Variants in ZFHX3 observed in about 807,000 individuals in gnomAD.
The protein encoded by ZFHX3 is zinc finger homeobox 3.
Under a neutral mutation model 279.1 loss-of-function variants are expected in ZFHX3, and 42 were observed. That is an observed-to-expected ratio of 0.15 (90% confidence interval 0.12 to 0.19). ZFHX3 has a LOEUF of 0.19. Among genes scored for constraint, ZFHX3 ranks in the 10% least tolerant of loss-of-function variants. ZFHX3 has a pLI of 1.00. For synonymous variants in ZFHX3, 2,293 were observed against 1,957.8 expected (o/e 1.17, Z -4.52); for missense variants, 4,981 against 4,754.0 (o/e 1.05, Z -1.40).
intron 3 of ZFHX3, among the ~76,000 whole-genome samples, chr16:72,929,679 A>G (rs1424564025): frequency 6.6e-6 from 1 of 152,210 alleles, no homozygotes; most frequent in Non-Finnish European, 1.5e-5. Flanking sequence ...CCCTCCACGC[A>G]AGCTGGCTGT....
intron 2 of ZFHX3, among the ~76,000 whole-genome samples, chr16:73,660,768 T>C (rs1276261819): frequency 6.6e-5 from 10 of 152,240 alleles, no homozygotes; most frequent in African/African-American, 1.4e-4. Flanking sequence ...TTAATTCCTT[T>C]ATTGCATAAG....
chr16:73,215,776 G>T (rs1329774853), intron 5 of ZFHX3, among the ~76,000 whole-genome samples: 1 of 152,112 alleles, frequency 6.6e-6, no homozygotes, highest in Non-Finnish European at 1.5e-5. Context: ...GTGGTTCTTT[G>T]CATTAAAGGT....
At chr16:73,637,757 T>C (rs1191090904) in intron 2 of ZFHX3, among the ~76,000 whole-genome samples, 4 of 151,960 alleles carry the variant, frequency 2.6e-5, no homozygotes, top group Admixed American at 1.3e-4. Context: ...TATGAACAAA[T>C]TGAAAAAAAA....
Position 72,787,216 on chromosome 16 carries a change from C to A in ZFHX3, c.11060G>T (p.Cys3687Phe). Residue 3687 changes from cysteine (C) to phenylalanine (F), a missense_variant, in exon 10 of 10, where the codon TGC (cysteine) becomes TTC (phenylalanine). Cys to Phe is a radical substitution (Grantham distance 205). Transcript: ENST00000268489. The stretch of plus-strand genomic sequence containing the variant: ...ACTGGTCAGACCACTGTCCTTGGGG[C>A]AGCTGGGGTCTTTGGGACCCTCCAC... ...SPVEGPKDPS[C>F]PKDSGLTSVG... 6 of 1,613,920 alleles carry A rather than the reference C, an allele frequency of 3.7e-6. No homozygotes were observed. Among genetic ancestry groups the A allele is most frequent in the Non-Finnish European group, 5.1e-6 (6 of 1,179,936 alleles).
chr16:73,260,212 A>G (rs1176677785), intron 4 of ZFHX3, among the ~76,000 whole-genome samples: 1 of 152,178 alleles, frequency 6.6e-6, no homozygotes, highest in Non-Finnish European at 1.5e-5. Context: ...TTTGACAAAA[A>G]TAACATGGAA....
At chr16:73,023,376 C>T (rs1231009496) in intron 1 of ZFHX3, among the ~76,000 whole-genome samples, 1 of 152,194 alleles carries the variant, frequency 6.6e-6, no homozygotes, top group African/African-American at 2.4e-5. Context: ...CCCTTAGGAG[C>T]CTGCTGTCAT....
intron 1 of ZFHX3, among the ~76,000 whole-genome samples, chr16:73,753,978 A>G (rs1339890956): frequency 6.9e-5 from 3 of 43,512 alleles, no homozygotes; most frequent in East Asian, 1.8e-3. Context: ...GAAAAATAGT[A>G]AGAATCAATG....
chr16:73,785,755 G>C (rs550445761), intron 1 of ZFHX3, among the ~76,000 whole-genome samples: 2 of 152,278 alleles, frequency 1.3e-5, no homozygotes, highest in South Asian at 2.1e-4. Flanking sequence ...TATTGGGAAA[G>C]CTGATGTTAT....
intron 2 of ZFHX3, among the ~76,000 whole-genome samples, chr16:73,562,946 C>T (rs2020392807): frequency 6.6e-6 from 1 of 152,158 alleles, no homozygotes; most frequent in Non-Finnish European, 1.5e-5. Flanking sequence ...GCAGAAAATC[C>T]TTGCCTCCCA....
intron 4 of ZFHX3, among the ~76,000 whole-genome samples, chr16:72,836,830 G>A (rs1027491334): frequency 3.9e-5 from 6 of 152,132 alleles, no homozygotes; most frequent in South Asian, 2.1e-4. Context: ...AGGAAACCTC[G>A]AAGGGGTGAA....
chr16:73,504,956 A>C (rs1419781637), intron 2 of ZFHX3: 1 of 152,094 alleles, frequency 6.6e-6, no homozygotes, highest in Non-Finnish European at 1.5e-5. Flanking sequence ...AAGAAAAAAA[A>C]CCAGTGTATT....
At chr16:72,911,664 T>C (rs1311382876) in intron 3 of ZFHX3, among the ~76,000 whole-genome samples, 1 of 152,168 alleles carries the variant, frequency 6.6e-6, no homozygotes, top group African/African-American at 2.4e-5. Flanking sequence ...TAAATTTAAA[T>C]TAAGTTAAAT....
upstream of ZFHX3, among the ~76,000 whole-genome samples, chr16:73,064,103 GA>G (rs1965717929): frequency 6.6e-6 from 1 of 152,054 alleles, no homozygotes; most frequent in Admixed American, 6.6e-5. Context: ...GTTACTCCAA[GA>G]AAAAGGAGTT....
Position 72,788,931 on chromosome 16 carries a change from G to A in ZFHX3, c.9428-83C>T. Reference sequence around the variant, plus strand: ...TCAAGACGTTTTACCGGTGTCACTGGCACACAGTTTGAGATGTCAAGGCTT... The same window carrying A: ...TCAAGACGTTTTACCGGTGTCACTGACACACAGTTTGAGATGTCAAGGCTT... On this transcript the variant is annotated intron_variant, in intron 9 of 9. Transcript: ENST00000268489. 3.4e-6 allele frequency: 5 copies of A among 1,489,774 alleles called. No homozygotes were observed. The Admixed American group carries it at 9.6e-5, about 29-fold the overall frequency. The allele number at this position is 1,489,774 out of a possible 1,614,324, so 92.3% of individuals were successfully genotyped here.
At chr16:73,409,843 T>C (rs192910616) in intron 3 of ZFHX3, among the ~76,000 whole-genome samples, 1 of 152,210 alleles carries the variant, frequency 6.6e-6, no homozygotes, top group African/African-American at 2.4e-5. Flanking sequence ...TTATGTCAAG[T>C]GAAATAGCCA....
intron 1 of ZFHX3, among the ~76,000 whole-genome samples, chr16:72,987,056 G>A (rs1962879045): frequency 6.6e-6 from 1 of 152,192 alleles, no homozygotes; most frequent in African/African-American, 2.4e-5. Context: ...GGAGACTGAG[G>A]TGGGAGAATC....
upstream of ZFHX3, among the ~76,000 whole-genome samples, chr16:73,053,123 G>A (rs560404427): frequency 1.3e-5 from 2 of 152,076 alleles, no homozygotes; most frequent in East Asian, 3.9e-4. Context: ...CATTCTATTA[G>A]AGGAAAGCCT....
At chr16:73,605,696 G>C (rs1192962074) in intron 2 of ZFHX3, among the ~76,000 whole-genome samples, 1 of 151,860 alleles carries the variant, frequency 6.6e-6, no homozygotes, top group South Asian at 2.1e-4. Flanking sequence ...GCATAGAACT[G>C]GGGGGCTGGA....
intron 2 of ZFHX3, among the ~76,000 whole-genome samples, chr16:73,465,147 C>T (rs951078133): frequency 6.6e-6 from 1 of 152,250 alleles, no homozygotes; most frequent in African/African-American, 2.4e-5. Context: ...ACACAGCGGA[C>T]CCTTCAGCAC....
Sources: gnomAD v4.1 joint callset for allele counts (sites outside exome capture counted in the v4.1 genomes callset) on GRCh38, gnomAD v4.1.1 for gene constraint, MANE v1.5 for transcripts, NCBI Gene and HGNC (gene_info 2026-07-23, HGNC 2026-07-21) for gene names.